NKAIN3: variants seen among roughly 807,000 people sequenced by gnomAD.
The protein encoded by NKAIN3 is sodium/potassium-transporting ATPase subunit beta-1-interacting protein 3.
Under a neutral mutation model 30.2 loss-of-function variants are expected in NKAIN3, and 25 were observed. The ratio of observed to expected loss-of-function variants is 0.83; its 90% confidence interval spans 0.60 to 1.16. NKAIN3 has a LOEUF of 1.16. Ranked by LOEUF, NKAIN3 falls within the 50% of genes most tolerant of loss-of-function variation. The pLI is 0.00. For missense variants in NKAIN3, 225 were observed against 254.1 expected (o/e 0.89, Z 0.78); for synonymous variants, 91 against 89.6 (o/e 1.02, Z -0.09).
At chr8:62,437,367 A>G (rs1805201592) in intron 1 of NKAIN3, among the ~76,000 whole-genome samples, 1 of 152,236 alleles carries the variant, frequency 6.6e-6, no homozygotes, top group South Asian at 2.1e-4. Context: ...GGATAGTTAA[A>G]TGAAGTAAAA....
At chr8:62,391,110 C>A (rs921982388) in intron 1 of NKAIN3, among the ~76,000 whole-genome samples, 2 of 152,120 alleles carry the variant, frequency 1.3e-5, no homozygotes, top group Non-Finnish European at 1.5e-5. Flanking sequence ...CTCATGAAAT[C>A]TTTGCCCGTT....
intron 1 of NKAIN3, among the ~76,000 whole-genome samples, chr8:62,270,203 C>T (rs1456018198): frequency 1.3e-5 from 2 of 152,066 alleles, no homozygotes; most frequent in Admixed American, 6.6e-5. Context: ...CCTCAGTCTC[C>T]TGAGTAGCTG....
chr8:62,476,363 GT>G (rs1658557578), intron 1 of NKAIN3, among the ~76,000 whole-genome samples: 1 of 152,068 alleles, frequency 6.6e-6, no homozygotes, highest in African/African-American at 2.4e-5. Flanking sequence ...GCCATGTTTT[GT>G]TTGCTGTTAA....
intron 1 of NKAIN3, among the ~76,000 whole-genome samples, chr8:62,463,146 A>G (rs1806047911): frequency 6.6e-6 from 1 of 152,150 alleles, no homozygotes; most frequent in Admixed American, 6.5e-5. Flanking sequence ...ATTTTAATCC[A>G]TTTTTACAAT....
chr8:62,578,925 G>A (rs1270518423), intron 1 of NKAIN3, among the ~76,000 whole-genome samples: 1 of 151,778 alleles, frequency 6.6e-6, no homozygotes, highest in Non-Finnish European at 1.5e-5. Context: ...AATGAGGATG[G>A]TTAATAAATG....
chr8:62,709,543 A>T (rs528772190), intron 3 of NKAIN3, among the ~76,000 whole-genome samples: 1 of 151,958 alleles, frequency 6.6e-6, no homozygotes, highest in Non-Finnish European at 1.5e-5. Flanking sequence ...TACCTTTTGT[A>T]TTTCAGTGGT....
At chr8:62,876,968 T>C (rs2130808355) in intron 4 of NKAIN3, among the ~76,000 whole-genome samples, 1 of 151,666 alleles carries the variant, frequency 6.6e-6, no homozygotes, top group East Asian at 1.9e-4. Flanking sequence ...CAATAAAAGT[T>C]TGGGGTTTTT....
At chr8:62,858,313 CT>C (rs1820126273) in intron 4 of NKAIN3, among the ~76,000 whole-genome samples, 1 of 152,098 alleles carries the variant, frequency 6.6e-6, no homozygotes, top group Non-Finnish European at 1.5e-5. Flanking sequence ...TTTGGGAGGT[CT>C]CACCCAGTCA....
chr8:62,737,363 A>G (rs1211131376), intron 3 of NKAIN3, among the ~76,000 whole-genome samples: 1 of 152,210 alleles, frequency 6.6e-6, no homozygotes, highest in African/African-American at 2.4e-5. Context: ...ACTTTCTCAT[A>G]TCACTTTTAC....
At chr8:62,338,053 A>T (rs1206999583) in intron 1 of NKAIN3, among the ~76,000 whole-genome samples, 1 of 152,012 alleles carries the variant, frequency 6.6e-6, no homozygotes, top group Non-Finnish European at 1.5e-5. Flanking sequence ...GTATATTTTG[A>T]TATATGTTAT....
intron 1 of NKAIN3, among the ~76,000 whole-genome samples, chr8:62,499,797 T>G (rs1370144531): frequency 1.4e-5 from 2 of 147,686 alleles, no homozygotes; most frequent in Non-Finnish European, 3.0e-5. Flanking sequence ...AAAAGAAAGC[T>G]GTGATCAGGT....
At chr8:62,609,997 G>A (rs1285338596) in intron 3 of NKAIN3, among the ~76,000 whole-genome samples, 1 of 152,102 alleles carries the variant, frequency 6.6e-6, no homozygotes, top group Non-Finnish European at 1.5e-5. Flanking sequence ...TTACTGTGTA[G>A]GGGACAAGAG....
intron 1 of NKAIN3, among the ~76,000 whole-genome samples, chr8:62,370,019 G>A (rs574851093): frequency 1.6e-4 from 25 of 152,056 alleles, no homozygotes; most frequent in South Asian, 8.3e-4. Flanking sequence ...GTTAATTTTG[G>A]CTTGCCTAAC....
chr8:62,893,608 G>A lies in NKAIN3; in HGVS notation c.472-24845G>A, dbSNP rs546213287. On this transcript the variant is annotated intron_variant, in intron 4 of 6. Transcript: ENST00000623646. The stretch of plus-strand genomic sequence containing the variant: ...TGAACTGGAGAAGTGAGGGGAAGCC[G>A]GTGATGTTTACTGCAGGGTTTGAGC... 2.0e-4 allele frequency among the ~76,000 whole-genome samples: 30 copies of A among 152,142 alleles called. No homozygotes were observed. The South Asian group carries it at 5.4e-3, about 27-fold the overall frequency.
chr8:62,520,103 T>C (rs1048920261), intron 1 of NKAIN3, among the ~76,000 whole-genome samples: 6 of 152,188 alleles, frequency 3.9e-5, no homozygotes, highest in Admixed American at 2.6e-4. Flanking sequence ...ATTAGATGTA[T>C]GTCACCCACC....
At chr8:62,599,419 G>A (rs1468228862) in intron 3 of NKAIN3, among the ~76,000 whole-genome samples, 1 of 152,030 alleles carries the variant, frequency 6.6e-6, no homozygotes, top group Non-Finnish European at 1.5e-5. Context: ...AATGAAGAAA[G>A]CCACAACAAT....
chr8:62,823,517 G>T (rs1292675908), intron 4 of NKAIN3, among the ~76,000 whole-genome samples: 2 of 152,110 alleles, frequency 1.3e-5, no homozygotes, highest in Non-Finnish European at 2.9e-5. Context: ...TGTGTAATTA[G>T]TTTTAAAACC....
intron 1 of NKAIN3, among the ~76,000 whole-genome samples, chr8:62,412,650 TTTGGGA>T (rs1777144032): frequency 1.3e-5 from 2 of 151,514 alleles, no homozygotes; most frequent in Non-Finnish European, 2.9e-5. Context: ...ATCCCAGCAC[TTTGGGA>T]GGCAGAGGCG....
chr8:62,960,761 G>A (rs1823549878), intron 6 of NKAIN3, among the ~76,000 whole-genome samples: 1 of 82,544 alleles, frequency 1.2e-5, no homozygotes, highest in South Asian at 4.2e-4. Context: ...ACACACAAGT[G>A]ATTAGAAAAG....
Sources: gnomAD v4.1 joint callset for allele counts (sites outside exome capture counted in the v4.1 genomes callset) on GRCh38, gnomAD v4.1.1 for gene constraint, MANE v1.5 for transcripts, NCBI Gene and HGNC (gene_info 2026-07-23, HGNC 2026-07-21) for gene names.